DIAPH2: variants seen among roughly 807,000 people sequenced by gnomAD.
DIAPH2 encodes the protein protein diaphanous homolog 2.
DIAPH2 carries 35 observed loss-of-function variants against 92.7 expected under a neutral mutation model. The observed-to-expected ratio is 0.38, with a 90% CI of 0.29 to 0.50. The LOEUF (loss-of-function observed/expected upper bound fraction) is 0.50. Ranked by LOEUF, DIAPH2 falls within the 20% of genes least tolerant of loss-of-function variation. DIAPH2 has a pLI of 0.94. For synonymous variants in DIAPH2, 301 were observed against 280.4 expected (o/e 1.07, Z -0.73); for missense variants, 701 against 819.5 (o/e 0.86, Z 1.77).
At chrX:97,507,633 GT>G (rs2070846685) in intron 26 of DIAPH2, among the ~76,000 whole-genome samples, 1 of 111,983 alleles carries the variant, frequency 8.9e-6, no homozygotes, top group Non-Finnish European at 1.9e-5. Flanking sequence ...CAATGAGTTA[GT>G]TTTTCAGAGT....
At chrX:97,232,813 T>TC (rs1378788562) in intron 22 of DIAPH2, among the ~76,000 whole-genome samples, 2 of 111,928 alleles carry the variant, frequency 1.8e-5, no homozygotes, top group Non-Finnish European at 3.8e-5. Context: ...TCTGTCTTTT[T>TC]CCCCACAACA....
chrX:97,125,654 T>C (rs2067089324), intron 21 of DIAPH2, among the ~76,000 whole-genome samples: 1 of 110,604 alleles, frequency 9.0e-6, no homozygotes, highest in Non-Finnish European at 1.9e-5. Flanking sequence ...TTTGACTCAT[T>C]AAATACAGAT....
intron 23 of DIAPH2, among the ~76,000 whole-genome samples, chrX:97,289,743 G>A (rs1218202034): frequency 3.3e-5 from 3 of 91,322 alleles, no homozygotes; most frequent in Non-Finnish European, 6.6e-5. Flanking sequence ...TTTGTTTTTT[G>A]ACCCAGGGTC....
At chrX:97,165,754 C>T (rs965182750) in intron 22 of DIAPH2, among the ~76,000 whole-genome samples, 2 of 109,886 alleles carry the variant, frequency 1.8e-5, no homozygotes, top group African/African-American at 3.3e-5. Flanking sequence ...CCTCCCGCCT[C>T]GGCCTGAGAT....
At chrX:97,563,395 A>G (rs751395234) in intron 26 of DIAPH2, among the ~76,000 whole-genome samples, 1 of 101,367 alleles carries the variant, frequency 9.9e-6, no homozygotes, top group East Asian at 3.2e-4. Flanking sequence ...TTTACTTTTC[A>G]TCATCACTGT....
At chrX:97,271,509 T>C (rs951366740) in intron 23 of DIAPH2, among the ~76,000 whole-genome samples, 1 of 111,453 alleles carries the variant, frequency 9.0e-6, no homozygotes, top group African/African-American at 3.3e-5. Flanking sequence ...ATAGTACTGA[T>C]CAGTCTTCAA....
chrX:97,293,994 G>C (rs184526535), intron 23 of DIAPH2, among the ~76,000 whole-genome samples: 2 of 112,276 alleles, frequency 1.8e-5, no homozygotes, highest in African/African-American at 6.5e-5. Flanking sequence ...AAGCTTCTAT[G>C]TATAGGGGAG....
At chrX:97,179,599 C>G (rs1339666919) in intron 22 of DIAPH2, among the ~76,000 whole-genome samples, 2 of 111,742 alleles carry the variant, frequency 1.8e-5, no homozygotes, top group Non-Finnish European at 3.8e-5. Context: ...TTTTCTTTAT[C>G]CATTCTCTCA....
At chrX:97,089,451 G>A (rs1602334041) in intron 19 of DIAPH2, among the ~76,000 whole-genome samples, 1 of 111,987 alleles carries the variant, frequency 8.9e-6, no homozygotes, top group South Asian at 3.8e-4. Context: ...TGACTGCTTA[G>A]AGTGGGACTA....
chrX:96,894,912 C>T (rs1199347298), intron 5 of DIAPH2, among the ~76,000 whole-genome samples: 3 of 105,829 alleles, frequency 2.8e-5, no homozygotes, highest in African/African-American at 7.0e-5. Flanking sequence ...AAGAATAAAT[C>T]GCTATAGAGG....
chrX:97,259,338 TC>T (rs1413370065), intron 23 of DIAPH2, among the ~76,000 whole-genome samples: 1 of 111,106 alleles, frequency 9.0e-6, no homozygotes, highest in Non-Finnish European at 1.9e-5. Context: ...AAAAAAAAGA[TC>T]AAAAATGTTC....
chrX:96,790,711 C>G (rs766695939), intron 4 of DIAPH2, among the ~76,000 whole-genome samples: 1 of 110,838 alleles, frequency 9.0e-6, no homozygotes, highest in African/African-American at 3.3e-5. Context: ...GTTAATTGTA[C>G]GTTTTGAAAA....
intron 22 of DIAPH2, among the ~76,000 whole-genome samples, chrX:97,194,406 C>T (rs937542354): frequency 9.2e-6 from 1 of 108,986 alleles, no homozygotes; most frequent in South Asian, 4.1e-4. Flanking sequence ...CTCAGCCTCC[C>T]GAGTAGCTGG....
chrX:96,805,573 G>T (rs747499947), intron 4 of DIAPH2, among the ~76,000 whole-genome samples: 38 of 111,281 alleles, frequency 3.4e-4, no homozygotes, highest in African/African-American at 1.2e-3. Context: ...ATGCTAAAGA[G>T]AACTTAGTCC....
rs1415727038 is a variant in DIAPH2, at chrX:96,965,789, C to T, written c.2050+582C>T. Among the ~76,000 whole-genome samples, 5 of 111,629 alleles carry T rather than the reference C, an allele frequency of 4.5e-5. No individual in the cohort carries two copies. In the East Asian group the frequency reaches 1.4e-3, roughly 31 times the overall value. On this transcript the variant is annotated intron_variant, in intron 17 of 26. Coordinates refer to ENST00000324765, the MANE Select transcript of DIAPH2 (RefSeq NM_006729.5). ...TATGATTAGATCCTTTATTTATTTG[C>T]TTGTGAATTTCACAGATGATTTTGT...
intron 25 of DIAPH2, among the ~76,000 whole-genome samples, chrX:97,388,395 A>T (rs2069621635): frequency 8.9e-6 from 1 of 111,774 alleles, no homozygotes; most frequent in African/African-American, 3.2e-5. Flanking sequence ...TCTGTCACCC[A>T]GGCTGGAATA....
At chrX:96,854,025 C>T (rs2147715484) in intron 4 of DIAPH2, among the ~76,000 whole-genome samples, 1 of 111,312 alleles carries the variant, frequency 9.0e-6, no homozygotes, top group South Asian at 3.8e-4. Context: ...CAGTTTGTAT[C>T]ACAGTATACC....
intron 26 of DIAPH2, among the ~76,000 whole-genome samples, chrX:97,459,617 C>T (rs2070441009): frequency 8.9e-6 from 1 of 111,888 alleles, no homozygotes; most frequent in African/African-American, 3.2e-5. Context: ...TTATATATGC[C>T]AGGCATGATG....
intron 26 of DIAPH2, among the ~76,000 whole-genome samples, chrX:97,459,755 T>C (rs2070442831): frequency 9.0e-6 from 1 of 111,634 alleles, no homozygotes; most frequent in Admixed American, 9.5e-5. Context: ...ATAGAGCTCA[T>C]AAGTGATGGT....
Sources: allele counts gnomAD v4.1 joint callset (sites outside exome capture counted in the v4.1 genomes callset), GRCh38; gene constraint gnomAD v4.1.1; transcripts MANE v1.5; gene names NCBI Gene and HGNC (gene_info 2026-07-23, HGNC 2026-07-21).